ESCO2: variants seen among roughly 807,000 people sequenced by gnomAD.
The protein encoded by ESCO2 is establishment of sister chromatid cohesion N-acetyltransferase 2.
Under a neutral mutation model 61.7 loss-of-function variants are expected in ESCO2, and 51 were observed. The observed-to-expected ratio is 0.83, with a 90% CI of 0.66 to 1.04. The LOEUF (loss-of-function observed/expected upper bound fraction) is 1.04, where lower values mean the gene tolerates loss of function less well. ESCO2 is among the 50% of genes least tolerant of loss of function. The pLI is 0.00. For missense variants in ESCO2, 692 were observed against 686.2 expected (o/e 1.01, Z -0.09); for synonymous variants, 230 against 238.2 (o/e 0.97, Z 0.32).
intron 4 of ESCO2, among the ~76,000 whole-genome samples, chr8:27,781,573 T>C (rs1223795858): frequency 6.6e-6 from 1 of 151,540 alleles, no homozygotes; most frequent in Non-Finnish European, 1.5e-5. Context: ...TTTTTTTTTT[T>C]TTTTTGAGAT....
intron 3 of ESCO2, 134 bp downstream of exon 3, chr8:27,777,303 G>GTTTA (rs764324168): frequency 1.6e-5 from 13 of 823,480 alleles, no homozygotes; most frequent in African/African-American, 7.0e-5. Context: ...ACTGTAAGGA[G>GTTTA]TTTATTTATT....
At chr8:27,792,082 C>CT in intron 8 of ESCO2, 30 bp downstream of exon 8, 1 of 1,606,506 alleles carries the variant, frequency 6.2e-7, no homozygotes. Flanking sequence ...TATCTCTTGC[C>CT]TTTCCCCACC....
chr8:27,793,200 A>G (rs1345621247), intron 9 of ESCO2, among the ~76,000 whole-genome samples: 1 of 152,218 alleles, frequency 6.6e-6, no homozygotes, highest in Non-Finnish European at 1.5e-5. Context: ...TCTAGAAGAC[A>G]TGTAGTTTCT....
intron 4 of ESCO2, among the ~76,000 whole-genome samples, chr8:27,783,471 A>G (rs1804968133): frequency 6.6e-6 from 1 of 152,188 alleles, no homozygotes; most frequent in Non-Finnish European, 1.5e-5. Context: ...TTAATTTGAT[A>G]AAGTCCAAAT....
intron 2 of ESCO2, 31 bp downstream of exon 2, chr8:27,775,598 A>G: frequency 6.2e-7 from 1 of 1,611,072 alleles, no homozygotes; most frequent in African/African-American, 1.3e-5. Flanking sequence ...AGAAACTCTT[A>G]GAAAAATCCA....
Position 27,784,065 on chromosome 8 carries a change from T to C in ESCO2, c.1013+8T>C, listed in dbSNP as rs749451553. 8 of 1,612,138 alleles carry C rather than the reference T, an allele frequency of 5.0e-6. No individual in the cohort carries two copies. The highest frequency in any genetic ancestry group is 1.7e-5 in the Admixed American group (1 of 60,014). On this transcript the variant is annotated splice_region_variant and intron_variant, in intron 5 of 10. Transcript: ENST00000305188. ...TTCAGTCAATTCAAAAAGGTGAGAA[T>C]TGTTATTGTTTTAAAGTCCAAGCCT...
At position 27,787,866 on chromosome 8, in the gene ESCO2, A is replaced by G. The variant is rs1805081701; in HGVS notation, c.1014-19A>G. ...CCTCCAAAATTGTAAATTTATATAT[A>G]TCAACTTTCTGTGTCAAGATCTTTA... On this transcript the variant is annotated intron_variant, in intron 5 of 10. Transcript: ENST00000305188. 1 of 1,570,858 alleles carries G rather than the reference A, an allele frequency of 6.4e-7. No homozygotes were observed. The highest frequency in any genetic ancestry group is 8.8e-7 in the Non-Finnish European group (1 of 1,141,406).
chr8:27,792,338 G>T (rs1390954418), intron 8 of ESCO2, among the ~76,000 whole-genome samples: 1 of 152,066 alleles, frequency 6.6e-6, no homozygotes, highest in Non-Finnish European at 1.5e-5. Context: ...TTATATTGGT[G>T]TTGCTTGTGT....
upstream of ESCO2, among the ~76,000 whole-genome samples, chr8:27,773,929 G>C (rs1014128947): frequency 6.6e-6 from 1 of 152,118 alleles, no homozygotes; most frequent in African/African-American, 2.4e-5. Context: ...TGGGTTCTCC[G>C]TTGTATTATT....
chr8:27,775,118 C>T (rs1804758187), intron 1 of ESCO2, among the ~76,000 whole-genome samples: 1 of 152,212 alleles, frequency 6.6e-6, no homozygotes, highest in African/African-American at 2.4e-5. Flanking sequence ...AGCCTTACGA[C>T]TTCAAGAGAT....
downstream of ESCO2, chr8:27,810,334 T>C (rs772464104): frequency 1.9e-6 from 3 of 1,612,686 alleles, no homozygotes; most frequent in African/African-American, 2.7e-5. Context: ...GCTTCAACAA[T>C]GTGTGCAGCA....
chr8:27,780,419 G>T (rs931396021), intron 4 of ESCO2, 152 bp downstream of exon 4: 9 of 621,904 alleles, frequency 1.4e-5, no homozygotes. Flanking sequence ...ACTGTTTTCT[G>T]TAGTAAAGCA....
downstream of ESCO2, chr8:27,810,428 A>AT: frequency 6.2e-7 from 1 of 1,608,102 alleles, no homozygotes; most frequent in East Asian, 2.2e-5. Context: ...GTTCTTCCAT[A>AT]TTAATAGGTG....
the ESCO2 span, among the ~76,000 whole-genome samples, chr8:27,818,479 C>A: frequency 0.16 from 23,945 of 152,150 alleles, 2,388 homozygotes; most frequent in East Asian, 0.37. Context: ...AGATAATTTA[C>A]ACAGTGTGAT....
chr8:27,782,428 A>AT (rs1422416783), intron 4 of ESCO2, among the ~76,000 whole-genome samples: 1 of 151,968 alleles, frequency 6.6e-6, no homozygotes, highest in Admixed American at 6.6e-5. Flanking sequence ...TGCCCGGCTA[A>AT]TTTTTTTGTA....
chr8:27,776,742 C>T lies in ESCO2; in HGVS notation c.434C>T (p.Thr145Ile). The change falls in exon 3 of 11, where the codon ACT (threonine) becomes ATT (isoleucine). Residue 145 changes from threonine (T) to isoleucine (I), a missense_variant. Transcript: ENST00000305188. ...KNNKKPQKSL[T>I]AKYQPKYRHI... is the part of the protein sequence containing the mutation. ...AACAAAAAACCACAGAAGAGTTTAA[C>T]TGCTAAGTATCAACCAAAGTATAGA... The T allele has an allele frequency of 9.3e-6, 15 of 1,613,910 alleles. No individual in the cohort carries two copies. Among genetic ancestry groups the T allele is most frequent in the Non-Finnish European group, 1.2e-5 (14 of 1,180,020 alleles).
downstream of ESCO2, among the ~76,000 whole-genome samples, chr8:27,810,698 C>T (rs961716787): frequency 7.2e-5 from 11 of 151,984 alleles, no homozygotes; most frequent in African/African-American, 2.7e-4. Context: ...GGTTATCGAC[C>T]CCTACTTTTA....
chr8:27,793,364 T>A (rs953222979), intron 9 of ESCO2, among the ~76,000 whole-genome samples: 1 of 152,152 alleles, frequency 6.6e-6, no homozygotes, highest in Non-Finnish European at 1.5e-5. Flanking sequence ...TATTTTGATA[T>A]AGGTATACAT....
At chr8:27,805,573 C>G (rs1310481746), downstream of ESCO2, among the ~76,000 whole-genome samples, 3 of 152,050 alleles carry the variant, frequency 2.0e-5, no homozygotes, top group African/African-American at 4.8e-5. Flanking sequence ...GAGATGGTCT[C>G]AAAGCAATGA....
Sources: allele counts gnomAD v4.1 joint callset (sites outside exome capture counted in the v4.1 genomes callset), GRCh38; gene constraint gnomAD v4.1.1; transcripts MANE v1.5; gene names NCBI Gene and HGNC (gene_info 2026-07-23, HGNC 2026-07-21).